PLCB1: variants seen among roughly 807,000 people sequenced by gnomAD.
PLCB1 encodes phospholipase C beta 1.
In PLCB1, 46 loss-of-function variants were observed where a neutral mutation model predicts 161.8. The ratio of observed to expected loss-of-function variants is 0.28; its 90% CI spans 0.22 to 0.36. PLCB1 has a LOEUF of 0.36. Ranked by LOEUF, PLCB1 falls within the 10% of genes least tolerant of loss-of-function variation. The pLI is 1.00. For missense variants in PLCB1, 1,016 were observed against 1,472.5 expected (o/e 0.69, Z 5.07); for synonymous variants, 517 against 503.7 (o/e 1.03, Z -0.35).
chr20:8,197,734 C>T (rs1020117907), intron 2 of PLCB1, among the ~76,000 whole-genome samples: 10 of 152,106 alleles, frequency 6.6e-5, no homozygotes, highest in Non-Finnish European at 1.2e-4. Context: ...AGTTCTTGCC[C>T]ATGCCTATGT....
chr20:8,427,242 T>C (rs1979824601), intron 3 of PLCB1, among the ~76,000 whole-genome samples: 1 of 152,162 alleles, frequency 6.6e-6, no homozygotes, highest in South Asian at 2.1e-4. Flanking sequence ...GATGGTTTTA[T>C]AATAATGAAG....
chr20:8,685,724 T>A (rs1444928179), intron 10 of PLCB1, among the ~76,000 whole-genome samples: 2 of 151,582 alleles, frequency 1.3e-5, no homozygotes, highest in African/African-American at 2.4e-5. Context: ...GTGACAAGAA[T>A]GAAACTTTGT....
intron 3 of PLCB1, among the ~76,000 whole-genome samples, chr20:8,470,536 C>T (rs1196588207): frequency 6.6e-6 from 1 of 152,048 alleles, no homozygotes; most frequent in Admixed American, 6.6e-5. Context: ...TGTGCATTTG[C>T]TTACTTTGTT....
At chr20:8,204,594 G>A (rs1027832852) in intron 2 of PLCB1, among the ~76,000 whole-genome samples, 1 of 151,998 alleles carries the variant, frequency 6.6e-6, no homozygotes, top group African/African-American at 2.4e-5. Context: ...CTCCCACCAT[G>A]TGAGATGCTG....
intron 2 of PLCB1, among the ~76,000 whole-genome samples, chr20:8,335,351 C>G (rs940642198): frequency 2.0e-5 from 3 of 152,206 alleles, no homozygotes; most frequent in Non-Finnish European, 4.4e-5. Flanking sequence ...TTGAGGAACT[C>G]TATTCTAGAC....
intron 3 of PLCB1, among the ~76,000 whole-genome samples, chr20:8,616,064 T>C (rs888685379): frequency 4.6e-5 from 7 of 152,172 alleles, no homozygotes; most frequent in African/African-American, 1.7e-4. Context: ...ACCCCAAAAC[T>C]GAATCCAACA....
chr20:8,552,925 A>T (rs1234213937), intron 3 of PLCB1, among the ~76,000 whole-genome samples: 1 of 152,060 alleles, frequency 6.6e-6, no homozygotes, highest in African/African-American at 2.4e-5. Flanking sequence ...CACCTCAGGG[A>T]GTTATTGAGA....
chr20:8,801,471 A>T, intron 31 of PLCB1, among the ~76,000 whole-genome samples: 1 of 152,136 alleles, frequency 6.6e-6, no homozygotes, highest in South Asian at 2.1e-4. Context: ...ATCAGAATAT[A>T]AGCTCCACAA....
chr20:8,619,214 T>G (rs1398556421), intron 3 of PLCB1, among the ~76,000 whole-genome samples: 2 of 151,872 alleles, frequency 1.3e-5, no homozygotes, highest in African/African-American at 4.8e-5. Flanking sequence ...AGGTCAGGAG[T>G]TTGAGACCAG....
chr20:8,740,256 A>G, intron 21 of PLCB1, 88 bp from the exon 22 acceptor site: 2 of 706,286 alleles, frequency 2.8e-6, no homozygotes, highest in Non-Finnish European at 4.8e-6. Context: ...GTAACCTGAA[A>G]TACATGCTTT....
intron 2 of PLCB1, among the ~76,000 whole-genome samples, chr20:8,284,603 T>C: frequency 6.6e-6 from 1 of 152,164 alleles, no homozygotes; most frequent in East Asian, 1.9e-4. Context: ...ATTATTGCTC[T>C]TTTGGTTTTA....
chr20:8,185,308 A>C (rs928106977), intron 2 of PLCB1, among the ~76,000 whole-genome samples: 1 of 152,186 alleles, frequency 6.6e-6, no homozygotes, highest in Non-Finnish European at 1.5e-5. Context: ...AAGGTTAGTC[A>C]GCTGAGCTGC....
rs1555769071 is a variant in PLCB1 at position 8,541,600 on chromosome 20, G to GAAATAAAGAAAT, written c.247-86691_247-86690insTAAAGAAATAAA. On this transcript the variant is annotated intron_variant, in intron 3 of 31. Transcript: ENST00000338037. The stretch of plus-strand genomic sequence containing the variant: ...AGAAAGAAAGAAAGAAAGAAAGAAA[G>GAAATAAAGAAAT]AAAGAAAGGAAGGAAGATAGTAATG... Among the ~76,000 whole-genome samples, 1,143 of 150,756 alleles carry GAAATAAAGAAAT rather than the reference G, an allele frequency of 7.6e-3. 9 individuals carry two copies. The highest frequency in any genetic ancestry group is 0.045 in the Middle Eastern group (13 of 290).
intron 3 of PLCB1, among the ~76,000 whole-genome samples, chr20:8,533,538 T>C (rs1464633083): frequency 6.6e-6 from 1 of 152,158 alleles, no homozygotes; most frequent in Admixed American, 6.5e-5. Flanking sequence ...GTTTCCTGAC[T>C]GTTTAATGAT....
chr20:8,762,501 C>T (rs532954147), intron 25 of PLCB1, among the ~76,000 whole-genome samples: 78 of 152,120 alleles, frequency 5.1e-4, no homozygotes, highest in Non-Finnish European at 9.6e-4. Flanking sequence ...TATTTCTAAT[C>T]GTAGGTTAGA....
At chr20:8,498,896 A>T (rs1226043613) in intron 3 of PLCB1, among the ~76,000 whole-genome samples, 2 of 152,158 alleles carry the variant, frequency 1.3e-5, no homozygotes, top group Non-Finnish European at 2.9e-5. Flanking sequence ...TCTGTGTCAC[A>T]TGGTGGTGGT....
chr20:8,875,919 T>C, intron 31 of PLCB1, among the ~76,000 whole-genome samples: 1 of 152,068 alleles, frequency 6.6e-6, no homozygotes, highest in East Asian at 1.9e-4. Context: ...TTTTTTTATC[T>C]AAAAGCTTTC....
At chr20:8,442,815 A>G (rs1980622428) in intron 3 of PLCB1, among the ~76,000 whole-genome samples, 1 of 152,186 alleles carries the variant, frequency 6.6e-6, no homozygotes, top group Non-Finnish European at 1.5e-5. Flanking sequence ...AAAACCAAGC[A>G]TGCTGGGAAA....
chr20:8,136,478 T>G (rs1257336633), intron 1 of PLCB1, among the ~76,000 whole-genome samples: 4 of 151,764 alleles, frequency 2.6e-5, no homozygotes, highest in Admixed American at 2.6e-4. Context: ...TACAAAAAAT[T>G]AGCCGGGCGT....
Sources: gnomAD v4.1 joint callset for allele counts (sites outside exome capture counted in the v4.1 genomes callset) on GRCh38, gnomAD v4.1.1 for gene constraint, MANE v1.5 for transcripts, NCBI Gene and HGNC (gene_info 2026-07-23, HGNC 2026-07-21) for gene names.